The following HDAC9 variants were observed in gnomAD, a reference collection of about 807,000 sequenced individuals.
HDAC9 encodes MEF-2 interacting transcription repressor (MITR) protein.
In HDAC9, 41 loss-of-function variants were observed where a neutral mutation model predicts 139.4. That is an observed-to-expected ratio of 0.29 (90% CI 0.23 to 0.38). HDAC9 has a LOEUF of 0.38. HDAC9 is among the 10% of genes least tolerant of loss of function. The pLI is 1.00. For missense variants in HDAC9, 1,147 were observed against 1,297.0 expected (o/e 0.88, Z 1.78); for synonymous variants, 517 against 476.2 (o/e 1.09, Z -1.12).
chr7:18,942,765 C>T (rs892910921), intron 23 of HDAC9, among the ~76,000 whole-genome samples: 1 of 151,776 alleles, frequency 6.6e-6, no homozygotes. Flanking sequence ...TGAAATAGGC[C>T]ATGGTGGGAA....
In HDAC9 at chr7:18,703,070, ATC is replaced by A. The variant is rs567680938; in HGVS notation, c.1732-24508_1732-24507del. Among the ~76,000 whole-genome samples, 789 of 152,296 alleles carry A rather than the reference ATC, an allele frequency of 5.2e-3. 3 individuals carry two copies. The highest frequency in any genetic ancestry group is 0.018 in the African/African-American group (750 of 41,572). On this transcript the variant is annotated intron_variant, in intron 12 of 25. Coordinates refer to ENST00000686413, the MANE Select transcript of HDAC9 (RefSeq NM_178425.4). ...TATTAAATATTTTATGGTAAATAACATCTGTTTCAATGATTTCTTCAAACCTG... is the reference window on the plus strand; with the variant it reads ...TATTAAATATTTTATGGTAAATAACATGTTTCAATGATTTCTTCAAACCTG...
chr7:18,852,324 GTCTT>G (rs1797361265), intron 21 of HDAC9, among the ~76,000 whole-genome samples: 1 of 152,162 alleles, frequency 6.6e-6, no homozygotes, highest in Non-Finnish European at 1.5e-5. Flanking sequence ...CTTAATCCAA[GTCTT>G]GTGAGTAGCC....
At chr7:18,400,719 A>G (rs1440419732) in intron 1 of HDAC9, among the ~76,000 whole-genome samples, 1 of 152,182 alleles carries the variant, frequency 6.6e-6, no homozygotes, top group Non-Finnish European at 1.5e-5. Context: ...TTAGGACTCT[A>G]CTGGATAGGA....
chr7:18,598,660 G>A (rs1001800430), intron 6 of HDAC9, among the ~76,000 whole-genome samples: 4 of 152,132 alleles, frequency 2.6e-5, no homozygotes, highest in Admixed American at 2.6e-4. Context: ...GCTTGTATAA[G>A]GAAATGTTAT....
At chr7:18,229,454 C>T (rs543415246) in intron 2 of HDAC9, among the ~76,000 whole-genome samples, 3 of 152,268 alleles carry the variant, frequency 2.0e-5, no homozygotes, top group Non-Finnish European at 4.4e-5. Context: ...GAACGTATTC[C>T]AGCAGCAGGC....
At chr7:18,438,030 T>C (rs1269861113) in intron 1 of HDAC9, among the ~76,000 whole-genome samples, 1 of 150,656 alleles carries the variant, frequency 6.6e-6, no homozygotes, top group African/African-American at 2.4e-5. Context: ...GACATCTTTA[T>C]AACATGTATA....
intron 1 of HDAC9, among the ~76,000 whole-genome samples, chr7:18,125,358 G>A (rs1395353754): frequency 1.3e-5 from 2 of 152,002 alleles, no homozygotes; most frequent in Non-Finnish European, 1.5e-5. Flanking sequence ...CTGTTGAGAC[G>A]CTGAGTTTCT....
At chr7:18,597,584 C>G (rs1386191479) in intron 6 of HDAC9, among the ~76,000 whole-genome samples, 1 of 152,078 alleles carries the variant, frequency 6.6e-6, no homozygotes, top group Non-Finnish European at 1.5e-5. Flanking sequence ...CACAGAGATT[C>G]TACATATGTG....
In HDAC9 at chr7:18,618,287, G is replaced by A. The variant is rs544350346; in HGVS notation, c.665-11063G>A. On this transcript the variant is annotated intron_variant, in intron 6 of 25. Transcript: ENST00000686413. ...GCAGGCAAGAAAATTGAAGCACAGC[G>A]ACATTAAATATTTTACTCAGATGTT... 7.9e-5 allele frequency among the ~76,000 whole-genome samples: 12 copies of A among 152,168 alleles called. 1 individual carries two copies. The South Asian group carries it at 2.3e-3, about 29-fold the overall frequency.
intron 6 of HDAC9, among the ~76,000 whole-genome samples, chr7:18,610,774 C>T (rs866086509): frequency 1.9e-4 from 29 of 152,140 alleles, no homozygotes; most frequent in Admixed American, 5.9e-4. Flanking sequence ...AAACTTTTCC[C>T]AATCCTCTAT....
At chr7:18,935,357 ATTATATTAGATAATGTAAATT>A (rs1281625617) in intron 22 of HDAC9, among the ~76,000 whole-genome samples, 1 of 152,242 alleles carries the variant, frequency 6.6e-6, no homozygotes, top group Non-Finnish European at 1.5e-5. Flanking sequence ...TAATGTAAAT[ATTATATTAGATAATGTAAATT>A]TGTAATATAT....
rs151046431 is a variant in HDAC9 at position 18,625,790 on chromosome 7, C to A, written c.665-3560C>A. ...TGAAACCCTGTCTTTACTAAGAATA[C>A]AAAATTAGCCAGGCATGGTGGCACA... On this transcript the variant is annotated intron_variant, in intron 6 of 25. Coordinates refer to ENST00000686413, the MANE Select transcript of HDAC9 (RefSeq NM_178425.4). Among the ~76,000 whole-genome samples the A allele has an allele frequency of 3.7e-3, 553 of 151,280 alleles. 3 individuals carry two copies. The highest frequency in any genetic ancestry group is 0.013 in the African/African-American group (520 of 41,260).
At chr7:18,551,828 G>C (rs1307310409) in intron 2 of HDAC9, among the ~76,000 whole-genome samples, 6 of 152,188 alleles carry the variant, frequency 3.9e-5, no homozygotes, top group Admixed American at 3.9e-4. Context: ...TCTGTGGTGA[G>C]TCTGAATTTC....
intron 13 of HDAC9, among the ~76,000 whole-genome samples, chr7:18,746,335 T>C (rs927653418): frequency 6.6e-6 from 1 of 152,204 alleles, no homozygotes; most frequent in African/African-American, 2.4e-5. Context: ...TGAAGACACG[T>C]CTTACACATC....
intron 21 of HDAC9, among the ~76,000 whole-genome samples, chr7:18,862,521 A>G (rs909363371): frequency 2.0e-5 from 3 of 152,220 alleles, no homozygotes; most frequent in African/African-American, 7.2e-5. Flanking sequence ...CTGAAGCCAG[A>G]TAATTCAATT....
At chr7:18,159,828 TAGACCAATGTGTC>T (rs1787500557) in intron 1 of HDAC9, among the ~76,000 whole-genome samples, 1 of 152,210 alleles carries the variant, frequency 6.6e-6, no homozygotes. Context: ...TCATAAATGT[TAGACCAATGTGTC>T]ATGTGGAGGC....
intron 1 of HDAC9, among the ~76,000 whole-genome samples, chr7:18,157,936 T>C (rs1287598311): frequency 6.6e-6 from 1 of 151,916 alleles, no homozygotes; most frequent in Non-Finnish European, 1.5e-5. Flanking sequence ...ATAGTGATTG[T>C]GATAAACTGA....
intron 22 of HDAC9, among the ~76,000 whole-genome samples, chr7:18,931,235 A>G (rs1221316657): frequency 2.0e-5 from 3 of 152,130 alleles, no homozygotes; most frequent in African/African-American, 7.2e-5. Flanking sequence ...ATTTCTAAGC[A>G]TTAGGGATCA....
At chr7:18,969,434 T>G (rs923900568) in intron 24 of HDAC9, among the ~76,000 whole-genome samples, 2 of 152,094 alleles carry the variant, frequency 1.3e-5, no homozygotes, top group Admixed American at 1.3e-4. Flanking sequence ...TAAAACAAAG[T>G]CCAATACTCT....
Sources: allele counts gnomAD v4.1 joint callset (sites outside exome capture counted in the v4.1 genomes callset), GRCh38; gene constraint gnomAD v4.1.1; transcripts MANE v1.5; gene names NCBI Gene and HGNC (gene_info 2026-07-23, HGNC 2026-07-21).